The following NRXN1 variants were observed in gnomAD, a reference collection of about 807,000 sequenced individuals.
NRXN1 encodes the protein neurexin 1, also known as neurexin-1.
A neutral mutation model predicts 150.9 loss-of-function variants in NRXN1; 39 were observed. The observed-to-expected ratio is 0.26, with a 90% CI of 0.20 to 0.34. The LOEUF (loss-of-function observed/expected upper bound fraction) is 0.34, where lower values mean the gene tolerates loss of function less well. NRXN1 is among the 10% of genes least tolerant of loss of function. The pLI, the probability that NRXN1 is intolerant of heterozygous loss-of-function variation, is 1.00. For synonymous variants in NRXN1, 924 were observed against 757.0 expected (o/e 1.22, Z -3.62); for missense variants, 1,815 against 1,949.9 (o/e 0.93, Z 1.30).
chr2:50,553,704 A>G (rs1667840482), intron 8 of NRXN1, among the ~76,000 whole-genome samples: 1 of 152,206 alleles, frequency 6.6e-6, no homozygotes, highest in South Asian at 2.1e-4. Context: ...AATTTATTCA[A>G]CCTGTGTTAC....
At chr2:50,072,723 T>G (rs1696481939) in intron 19 of NRXN1, among the ~76,000 whole-genome samples, 1 of 152,074 alleles carries the variant, frequency 6.6e-6, no homozygotes, top group Non-Finnish European at 1.5e-5. Context: ...TGAAGAAGAA[T>G]GCCAATTCCA....
intron 18 of NRXN1, among the ~76,000 whole-genome samples, chr2:50,236,334 C>T (rs562805023): frequency 2.4e-4 from 37 of 152,002 alleles, no homozygotes; most frequent in Admixed American, 6.6e-4. Flanking sequence ...AGTATACTTT[C>T]GTTCCTTTTA....
chr2:50,472,608 CA>C, intron 15 of NRXN1, 137 bp from the exon 16 acceptor site: 1 of 634,886 alleles, frequency 1.6e-6, no homozygotes, highest in Non-Finnish European at 2.6e-6. Flanking sequence ...CTGTTTTCCC[CA>C]AAGTGCTAAA....
At chr2:50,074,940 C>CA (rs1179816749) in intron 19 of NRXN1, among the ~76,000 whole-genome samples, 2 of 152,146 alleles carry the variant, frequency 1.3e-5, no homozygotes, top group African/African-American at 4.8e-5. Context: ...GGCCTTCTGG[C>CA]ATATTCAATA....
intron 2 of NRXN1, among the ~76,000 whole-genome samples, chr2:51,007,974 A>G (rs1051147415): frequency 7.2e-5 from 11 of 151,908 alleles, no homozygotes; most frequent in African/African-American, 2.7e-4. Context: ...AAATAAATAA[A>G]CGAGAAGCAC....
intron 17 of NRXN1, among the ~76,000 whole-genome samples, chr2:50,376,894 C>A (rs1046078211): frequency 2.6e-5 from 4 of 152,014 alleles, no homozygotes; most frequent in African/African-American, 9.7e-5. Context: ...TGAGACTCAA[C>A]AAGTCACATC....
intron 5 of NRXN1, among the ~76,000 whole-genome samples, chr2:50,796,093 G>A (rs1706792964): frequency 6.6e-6 from 1 of 152,058 alleles, no homozygotes; most frequent in Admixed American, 6.6e-5. Flanking sequence ...TCCTATTAAT[G>A]GGGGAACTTT....
intron 8 of NRXN1, among the ~76,000 whole-genome samples, chr2:50,592,676 T>G (rs895483046): frequency 6.6e-6 from 1 of 152,224 alleles, no homozygotes; most frequent in Non-Finnish European, 1.5e-5. Flanking sequence ...TAGACTTTGT[T>G]GATTTATAGA....
chr2:50,436,818 A>C (rs1480722822), intron 17 of NRXN1, among the ~76,000 whole-genome samples: 6 of 152,178 alleles, frequency 3.9e-5, no homozygotes, highest in Non-Finnish European at 7.4e-5. Flanking sequence ...AATTTTGCTG[A>C]GGGAGTCTTG....
At chr2:50,191,469 G>A (rs2061439228) in intron 18 of NRXN1, among the ~76,000 whole-genome samples, 1 of 152,074 alleles carries the variant, frequency 6.6e-6, no homozygotes, top group African/African-American at 2.4e-5. Context: ...TATAGTTATA[G>A]GTAGTTTTAT....
intron 5 of NRXN1, among the ~76,000 whole-genome samples, chr2:50,720,512 G>GA (rs1407692815): frequency 1.3e-5 from 2 of 152,016 alleles, no homozygotes; most frequent in East Asian, 1.9e-4. Context: ...TGGTAGCTAG[G>GA]AAAAAAATGC....
At chr2:50,408,976 A>C (rs2082956546) in intron 17 of NRXN1, among the ~76,000 whole-genome samples, 1 of 152,136 alleles carries the variant, frequency 6.6e-6, no homozygotes, top group Admixed American at 6.6e-5. Context: ...AGAGCAGGAA[A>C]AAAAATTGAC....
At chr2:50,043,658 A>G (rs1274092042) in intron 21 of NRXN1, among the ~76,000 whole-genome samples, 3 of 152,156 alleles carry the variant, frequency 2.0e-5, no homozygotes, top group Non-Finnish European at 2.9e-5. Flanking sequence ...GTAAGCTTGG[A>G]GGTGTAGAAA....
chr2:50,861,075 G>A (rs1325535266), intron 5 of NRXN1, among the ~76,000 whole-genome samples: 3 of 152,018 alleles, frequency 2.0e-5, no homozygotes, highest in Non-Finnish European at 4.4e-5. Flanking sequence ...AGGTTGGTTG[G>A]TCATTGTTTA....
At position 50,347,294 on chromosome 2, in the gene NRXN1, G is replaced by A; in HGVS notation, c.3365-110324C>T. The stretch of plus-strand genomic sequence containing the variant: ...GATACTCCCAAAGAGTTTCGGGCGA[G>A]AGTGCGTGCCGGCGGGTGGGGGGCC... On this transcript the variant is annotated intron_variant, in intron 17 of 22. Transcript: ENST00000401669. The surrounding 1 kb of genome is among the most constrained non-coding windows in gnomAD (Gnocchi z 4.9). 1.6e-6 allele frequency: 2 copies of A among 1,285,152 alleles called. No homozygotes were observed. Among genetic ancestry groups the A allele is most frequent in the South Asian group, 1.3e-5 (1 of 79,116 alleles). 79.6% of individuals were successfully genotyped at this position (1,285,152 alleles called of 1,614,324 possible).
chr2:50,104,154 G>C (rs1302874787), intron 18 of NRXN1, among the ~76,000 whole-genome samples: 1 of 151,980 alleles, frequency 6.6e-6, no homozygotes, highest in Non-Finnish European at 1.5e-5. Context: ...TCATCTACTG[G>C]AGTACAAAAG....
chr2:49,946,262 G>A (rs980848020), intron 21 of NRXN1, among the ~76,000 whole-genome samples: 7 of 152,050 alleles, frequency 4.6e-5, no homozygotes, highest in Admixed American at 3.9e-4. Flanking sequence ...ATTTGTTTAA[G>A]TTCCTTGTAG....
At chr2:50,824,318 GTGTGTGTGAAAAATAGA>G (rs1670153253) in intron 5 of NRXN1, among the ~76,000 whole-genome samples, 1 of 151,932 alleles carries the variant, frequency 6.6e-6, no homozygotes, top group African/African-American at 2.4e-5. Context: ...GTGTGTGTGT[GTGTGTGTGAAAAATAGA>G]TACACAAAAA....
intron 5 of NRXN1, among the ~76,000 whole-genome samples, chr2:50,745,805 C>T (rs1177090721): frequency 1.3e-5 from 2 of 152,086 alleles, no homozygotes; most frequent in African/African-American, 4.8e-5. Flanking sequence ...ATGAGAATAG[C>T]ATGGGGGAAC....
Sources: gnomAD v4.1 joint callset for allele counts (sites outside exome capture counted in the v4.1 genomes callset) on GRCh38, gnomAD v4.1.1 for gene constraint, Gnocchi (gnomAD v3.1) non-coding constraint, MANE v1.5 for transcripts, NCBI Gene and HGNC (gene_info 2026-07-23, HGNC 2026-07-21) for gene names.